Variants in NRBF2 observed in about 807,000 individuals in gnomAD.
NRBF2 encodes the protein nuclear receptor-binding factor 2.
In NRBF2, 12 loss-of-function variants were observed where a neutral mutation model predicts 28.5. The ratio of observed to expected loss-of-function variants is 0.42; its 90% CI spans 0.27 to 0.68. NRBF2 has a LOEUF of 0.68. Among genes scored for constraint, NRBF2 ranks in the 30% least tolerant of loss-of-function variants. NRBF2 has a pLI of 0.24. For synonymous variants in NRBF2, 102 were observed against 116.5 expected (o/e 0.88, Z 0.80); for missense variants, 274 against 333.5 (o/e 0.82, Z 1.39).
chr10:63,133,619 G>A, intron 1 of NRBF2, 119 bp downstream of exon 1: 1 of 781,038 alleles, frequency 1.3e-6, no homozygotes, highest in East Asian at 2.8e-5. Context: ...AGGAGTGGTC[G>A]CAGAGGCTGT....
chr10:63,133,350 G>C lies in NRBF2; in HGVS notation c.-121G>C, dbSNP rs2132671552. 8.5e-7 allele frequency: 1 copy of C among 1,178,218 alleles called. No homozygotes were observed. Among genetic ancestry groups the C allele is most frequent in the East Asian group, 2.6e-5 (1 of 37,878 alleles). 73.0% of individuals were successfully genotyped at this position (1,178,218 alleles called of 1,614,324 possible). On this transcript the variant is annotated 5_prime_UTR_variant, in exon 1 of 4. Coordinates refer to ENST00000277746, the MANE Select transcript of NRBF2 (RefSeq NM_030759.5). ...GTTGCTCCTTCAGCGCCTATCGCTGGCTCTTGGGGCGCAGAGAGGGGCCGC... is the reference window on the plus strand; with the variant it reads ...GTTGCTCCTTCAGCGCCTATCGCTGCCTCTTGGGGCGCAGAGAGGGGCCGC...
intron 1 of NRBF2, among the ~76,000 whole-genome samples, chr10:63,138,411 G>A (rs1841407080): frequency 6.6e-6 from 1 of 151,916 alleles, no homozygotes; most frequent in African/African-American, 2.4e-5. Flanking sequence ...TTGAACCTGG[G>A]AGGTGAAGAT....
At position 63,153,576 on chromosome 10, in the gene NRBF2, A is replaced by T; in HGVS notation, c.222A>T (p.Arg74Ser). 1.9e-6 allele frequency: 3 copies of T among 1,611,964 alleles called. No individual in the cohort carries two copies. The East Asian group carries it at 6.7e-5, about 36-fold the overall frequency. Residue 74 changes from arginine to serine, a missense_variant, in exon 4 of 4, where the codon AGA (arginine) becomes AGT (serine). Arg to Ser is a moderately radical substitution (Grantham distance 110). Coordinates refer to ENST00000277746, the MANE Select transcript of NRBF2 (RefSeq NM_030759.5). ...AACAGCTCCTCCTCATCCAAGAGAGATGGAAAAGGGCCCAGCGTGAAGAAA... is the reference window on the plus strand; with the variant it reads ...AACAGCTCCTCCTCATCCAAGAGAGTTGGAAAAGGGCCCAGCGTGAAGAAA... ...HMKQLLLIQE[R>S]WKRAQREERL...
chr10:63,139,602 C>CAGGG (rs1841431209), intron 1 of NRBF2, among the ~76,000 whole-genome samples: 1 of 152,082 alleles, frequency 6.6e-6, no homozygotes, highest in Non-Finnish European at 1.5e-5. Context: ...GCAGGAAGGG[C>CAGGG]AGGGGTATAA....
At chr10:63,138,925 T>C (rs1841419395) in intron 1 of NRBF2, among the ~76,000 whole-genome samples, 1 of 152,188 alleles carries the variant, frequency 6.6e-6, no homozygotes, top group African/African-American at 2.4e-5. Flanking sequence ...CTCTTTCAAC[T>C]GAAGACCCTA....
At chr10:63,137,703 C>G (rs1020889099) in intron 1 of NRBF2, among the ~76,000 whole-genome samples, 15 of 152,162 alleles carry the variant, frequency 9.9e-5, no homozygotes, top group Non-Finnish European at 1.8e-4. Flanking sequence ...TTATGCATAC[C>G]TGGAGTCCTT....
At chr10:63,150,512 A>G (rs746421952) in intron 2 of NRBF2, among the ~76,000 whole-genome samples, 3 of 151,882 alleles carry the variant, frequency 2.0e-5, no homozygotes, top group Non-Finnish European at 4.4e-5. Flanking sequence ...TGGCCTCCCA[A>G]AGTGCTAGCC....
chr10:63,152,172 G>C lies in NRBF2; in HGVS notation c.138G>C (p.Lys46Asn). The change falls in exon 3 of 4, where the codon AAG becomes AAC. Residue 46 changes from lysine to asparagine, a missense_variant. By Grantham distance (94) the Lys-to-Asn change is moderately conservative. Coordinates refer to ENST00000277746, the MANE Select transcript of NRBF2 (RefSeq NM_030759.5). ...KAAAYLSEAM[K>N]LTQSEQAHLS... ...CAGCATATCTTTCTGAAGCCATGAA[G>C]CTGACACAGTCAGAGCAGGTGAGAC... The C allele has an allele frequency of 6.2e-7, 1 of 1,613,690 alleles. No homozygotes were observed. Among genetic ancestry groups the C allele is most frequent in the Non-Finnish European group, 8.5e-7 (1 of 1,179,706 alleles).
At chr10:63,150,313 C>T (rs961407765) in intron 2 of NRBF2, 1 of 921,906 alleles carries the variant, frequency 1.1e-6, no homozygotes, top group African/African-American at 1.8e-5. Flanking sequence ...TACAGACATA[C>T]TACAGGAAAA....
At chr10:63,133,575 C>T in intron 1 of NRBF2, 75 bp downstream of exon 1, 1 of 1,145,948 alleles carries the variant, frequency 8.7e-7, no homozygotes, top group South Asian at 1.2e-5. Context: ...CCCGGCGCGT[C>T]GGCTAACCCT....
chr10:63,150,628 A>G (rs79764868), intron 2 of NRBF2, among the ~76,000 whole-genome samples: 4,528 of 152,260 alleles, frequency 0.03, 238 homozygotes, highest in African/African-American at 0.1. Context: ...TCAATTTTCC[A>G]TAGACCTGGG....
intron 1 of NRBF2, among the ~76,000 whole-genome samples, chr10:63,141,268 C>T (rs1352808371): frequency 6.6e-6 from 1 of 152,010 alleles, no homozygotes; most frequent in Non-Finnish European, 1.5e-5. Context: ...CAAGACCCCA[C>T]CTCTACAAAA....
At chr10:63,143,749 A>AATTTTTTTTT (rs1841512905) in intron 1 of NRBF2, among the ~76,000 whole-genome samples, 1 of 115,990 alleles carries the variant, frequency 8.6e-6, no homozygotes, top group Non-Finnish European at 1.8e-5. Flanking sequence ...ACCATGCCCG[A>AATTTTTTTTT]TTTTTTTTTT....
At chr10:63,147,815 G>C (rs72829138) in intron 2 of NRBF2, among the ~76,000 whole-genome samples, 15,952 of 120,718 alleles carry the variant, frequency 0.13, 1,175 homozygotes, top group Non-Finnish European at 0.22. Flanking sequence ...GTGTACTGGA[G>C]TTATCTGCTG....
At chr10:63,138,971 T>C (rs1328583639) in intron 1 of NRBF2, among the ~76,000 whole-genome samples, 1 of 152,170 alleles carries the variant, frequency 6.6e-6, no homozygotes, top group East Asian at 1.9e-4. Flanking sequence ...TTTCCTCTGC[T>C]GCCTTTTCAG....
chr10:63,140,200 A>G (rs910153781), intron 1 of NRBF2, among the ~76,000 whole-genome samples: 1 of 152,198 alleles, frequency 6.6e-6, no homozygotes, highest in African/African-American at 2.4e-5. Context: ...ATAGTTATCA[A>G]TACCATAAGT....
intron 2 of NRBF2, 68 bp downstream of exon 2, chr10:63,146,361 G>C: frequency 9.1e-7 from 1 of 1,098,112 alleles, no homozygotes; most frequent in Non-Finnish European, 1.3e-6. Context: ...AATAATGTGT[G>C]TTGCTTTTCA....
At chr10:63,146,316 C>T (rs760597090) in intron 2 of NRBF2, 23 bp downstream of exon 2, 3 of 1,519,850 alleles carry the variant, frequency 2.0e-6, no homozygotes, top group Non-Finnish European at 2.7e-6. Flanking sequence ...ATTAAGTACT[C>T]AGTGTAAAAC....
chr10:63,141,456 T>A (rs1349308213), intron 1 of NRBF2, among the ~76,000 whole-genome samples: 1 of 152,096 alleles, frequency 6.6e-6, no homozygotes, highest in Non-Finnish European at 1.5e-5. Flanking sequence ...AAGATGAAAA[T>A]TTTTTTAAAA....
Sources: gnomAD v4.1 joint callset for allele counts (sites outside exome capture counted in the v4.1 genomes callset) on GRCh38, gnomAD v4.1.1 for gene constraint, MANE v1.5 for transcripts, NCBI Gene and HGNC (gene_info 2026-07-23, HGNC 2026-07-21) for gene names.